STK10: variants seen among roughly 807,000 people sequenced by gnomAD.
STK10 encodes the protein serine/threonine kinase 10.
In STK10, 78 loss-of-function variants were observed where a neutral mutation model predicts 113.8. The observed-to-expected ratio is 0.69, with a 90% CI of 0.57 to 0.83. The LOEUF (loss-of-function observed/expected upper bound fraction) is 0.83, where lower values mean the gene tolerates loss of function less well. STK10 is among the 40% of genes least tolerant of loss of function. The pLI is 0.00. For synonymous variants in STK10, 465 were observed against 494.7 expected (o/e 0.94, Z 0.80); for missense variants, 1,109 against 1,280.1 (o/e 0.87, Z 2.04).
At chr5:172,124,655 C>A (rs1769582310) in intron 3 of STK10, among the ~76,000 whole-genome samples, 1 of 152,118 alleles carries the variant, frequency 6.6e-6, no homozygotes, top group Admixed American at 6.6e-5. Flanking sequence ...GGGTTTGGAT[C>A]ATAATCCTAA....
intron 1 of STK10, among the ~76,000 whole-genome samples, chr5:172,164,505 C>T (rs764443075): frequency 4.6e-5 from 7 of 152,116 alleles, no homozygotes; most frequent in African/African-American, 1.2e-4. Context: ...ATGAAGTCAC[C>T]GGCCCAAGGT....
At chr5:172,067,648 A>T (rs1213414668) in intron 12 of STK10, among the ~76,000 whole-genome samples, 1 of 151,960 alleles carries the variant, frequency 6.6e-6, no homozygotes, top group African/African-American at 2.4e-5. Flanking sequence ...ACTATTTTTT[A>T]AAAAATTAGA....
At chr5:172,159,367 C>T (rs1328600130) in intron 1 of STK10, among the ~76,000 whole-genome samples, 1 of 152,024 alleles carries the variant, frequency 6.6e-6, no homozygotes, top group Non-Finnish European at 1.5e-5. Flanking sequence ...AGCGAAATCC[C>T]GCCTCTACAA....
At chr5:172,162,442 T>C (rs2113824091) in intron 1 of STK10, among the ~76,000 whole-genome samples, 1 of 152,298 alleles carries the variant, frequency 6.6e-6, no homozygotes, top group South Asian at 2.1e-4. Flanking sequence ...TTGCTCTCTC[T>C]CTCTCTCTCA....
Position 172,052,913 on chromosome 5 carries a change from G to C in STK10, c.2766+16C>G, listed in dbSNP as rs201600956. The C allele has an allele frequency of 1.2e-6, 2 of 1,612,376 alleles. No individual in the cohort carries two copies. Among genetic ancestry groups the C allele is most frequent in the Admixed American group, 3.3e-5 (2 of 60,018 alleles). ...GCAGAGCCCGAGACTGAGCCCACCA[G>C]CTCGGATAAAGTTACCTTCTTGCGC... On this transcript the variant is annotated intron_variant, in intron 18 of 18. Coordinates refer to ENST00000176763, the MANE Select transcript of STK10 (RefSeq NM_005990.4).
intron 3 of STK10, among the ~76,000 whole-genome samples, chr5:172,122,327 C>T (rs1769528728): frequency 6.6e-6 from 1 of 152,164 alleles, no homozygotes; most frequent in African/African-American, 2.4e-5. Context: ...TCCAAGATTC[C>T]CCTGTGACCT....
Position 172,187,796 on chromosome 5 carries a change from G to A in STK10, c.156+91C>T. 2.0e-6 allele frequency: 3 copies of A among 1,535,074 alleles called. No individual in the cohort carries two copies. The highest frequency in any genetic ancestry group is 1.9e-4 in the Middle Eastern group (1 of 5,266). ...AATTCAGCGCCGGGCAGCCCTCGGA[G>A]CCGGAGCCAGGCTGGCCGGGTCCGG... On this transcript the variant is annotated intron_variant, in intron 1 of 18. Coordinates refer to ENST00000176763, the MANE Select transcript of STK10 (RefSeq NM_005990.4). The surrounding 1 kb of genome is among the most constrained non-coding windows in gnomAD (Gnocchi z 4.6).
In STK10 at chr5:172,129,517, C is replaced by T. The variant is rs138210865; in HGVS notation, c.322-2096G>A. Among the ~76,000 whole-genome samples the T allele has an allele frequency of 1.5e-3, 231 of 152,288 alleles. 1 individual carries two copies. Among genetic ancestry groups the T allele is most frequent in the African/African-American group, 5.3e-3 (221 of 41,556 alleles). The stretch of plus-strand genomic sequence containing the variant: ...GAAATGGATCCATGCATGCTGATCC[C>T]GAACGCCAAGGAAGAGGTACTTCCT... On this transcript the variant is annotated intron_variant, in intron 2 of 18. Transcript: ENST00000176763.
chr5:172,182,698 C>T (rs1378663622), intron 1 of STK10, among the ~76,000 whole-genome samples: 1 of 151,722 alleles, frequency 6.6e-6, no homozygotes, highest in Non-Finnish European at 1.5e-5. Context: ...GGATTACAGG[C>T]GCCCACCACC....
At chr5:172,129,171 C>T (rs967563101) in intron 2 of STK10, among the ~76,000 whole-genome samples, 2 of 152,134 alleles carry the variant, frequency 1.3e-5, no homozygotes, top group Non-Finnish European at 1.5e-5. Context: ...GGGTATAAGC[C>T]GGGCTGGGAT....
Position 172,096,544 on chromosome 5 carries a change from C to T in STK10, c.887G>A (p.Ser296Asn), listed in dbSNP as rs146021633. 20 of 1,613,366 alleles carry T rather than the reference C, an allele frequency of 1.2e-5. No individual in the cohort carries two copies. The African/African-American group carries it at 2.5e-4, about 20-fold the overall frequency. ...CCGCAGAGCCTTGTTACTGGTGATG[C>T]TGCTGACGAAGGGATGCTGAGGGGG... Reference protein sequence around the residue: ...AQLLEHPFVSSITSNKALREL... With the variant: ...AQLLEHPFVSNITSNKALREL... The change falls in exon 8 of 19, where the codon AGC becomes AAC. Residue 296 changes from serine to asparagine, a missense_variant. By Grantham distance (46) the Ser-to-Asn change is conservative. This residue lies in a region of STK10 where 885 missense variants were observed against 991.1 expected (regional missense o/e 0.89). Transcript: ENST00000176763.
At chr5:172,155,003 A>C (rs1770319037) in intron 2 of STK10, among the ~76,000 whole-genome samples, 1 of 152,112 alleles carries the variant, frequency 6.6e-6, no homozygotes, top group South Asian at 2.1e-4. Context: ...AGCCACAATC[A>C]ATAACAGGAA....
At chr5:172,058,380 A>G (rs1031066183) in intron 14 of STK10, among the ~76,000 whole-genome samples, 11 of 152,058 alleles carry the variant, frequency 7.2e-5, no homozygotes, top group Admixed American at 6.6e-4. Flanking sequence ...AAACTCAAGA[A>G]CCCTGTTTTG....
At chr5:172,075,366 C>T (rs1023191869) in intron 12 of STK10, among the ~76,000 whole-genome samples, 2 of 151,962 alleles carry the variant, frequency 1.3e-5, no homozygotes, top group East Asian at 3.9e-4. Flanking sequence ...AAGATCTGAC[C>T]CAATACTTCA....
intron 12 of STK10, among the ~76,000 whole-genome samples, chr5:172,077,723 T>C (rs952645792): frequency 6.6e-6 from 1 of 151,538 alleles, no homozygotes; most frequent in African/African-American, 2.4e-5. Flanking sequence ...CTGAAGAGGG[T>C]CCCAGGAGGC....
chr5:172,165,758 C>T (rs531321589), intron 1 of STK10, among the ~76,000 whole-genome samples: 2 of 150,166 alleles, frequency 1.3e-5, no homozygotes, highest in African/African-American at 4.9e-5. Context: ...AGGGTCGTGC[C>T]TGGGTGGCTC....
intron 2 of STK10, among the ~76,000 whole-genome samples, chr5:172,150,818 G>A (rs1770208730): frequency 6.6e-6 from 1 of 152,192 alleles, no homozygotes. Flanking sequence ...TCAGTTTGAG[G>A]CAAGAAGCCA....
intron 1 of STK10, among the ~76,000 whole-genome samples, chr5:172,172,658 G>C (rs114848043): frequency 6.6e-6 from 1 of 152,216 alleles, no homozygotes; most frequent in African/African-American, 2.4e-5. Flanking sequence ...GCTGCGACTT[G>C]TAAGATGAAC....
chr5:172,122,247 T>C (rs1161299070), intron 3 of STK10, among the ~76,000 whole-genome samples: 1 of 152,226 alleles, frequency 6.6e-6, no homozygotes, highest in Non-Finnish European at 1.5e-5. Flanking sequence ...TACAGTTTTA[T>C]AAATTTTGAT....
Sources: gnomAD v4.1 joint callset for allele counts (sites outside exome capture counted in the v4.1 genomes callset) on GRCh38, gnomAD v4.1.1 for gene constraint, gnomAD v4.1.1 regional missense constraint, Gnocchi (gnomAD v3.1) non-coding constraint, MANE v1.5 for transcripts, NCBI Gene and HGNC (gene_info 2026-07-23, HGNC 2026-07-21) for gene names.